The following IZUMO1 variants were observed in gnomAD, a reference collection of about 807,000 sequenced individuals.
IZUMO1 encodes the protein izumo sperm-egg fusion protein 1.
In IZUMO1, 44 loss-of-function variants were observed where a neutral mutation model predicts 40.7. The ratio of observed to expected loss-of-function variants is 1.08; its 90% CI spans 0.85 to 1.39. The LOEUF (loss-of-function observed/expected upper bound fraction) is 1.39. Ranked by LOEUF, IZUMO1 falls within the 40% of genes most tolerant of loss-of-function variation. IZUMO1 has a pLI of 0.00. For synonymous variants in IZUMO1, 149 were observed against 170.9 expected, an observed-to-expected ratio of 0.87 and a Z score of 1.00; for missense variants, 368 against 436.9, an observed-to-expected ratio of 0.84 and a Z score of 1.41.
chr19:48,742,167 T>C (rs769454388), intron 7 of IZUMO1, 42 bp downstream of exon 7: 1 of 1,523,338 alleles, frequency 6.6e-7, no homozygotes, highest in Non-Finnish European at 9.1e-7. Flanking sequence ...ACAAGTATTG[T>C]AGTCTAGGGA....
At position 48,741,636 on chromosome 19, in the gene IZUMO1, G is replaced by T. The variant is rs775967299; in HGVS notation, c.754+153C>A. On this transcript the variant is annotated intron_variant, in intron 8 of 9. Coordinates refer to ENST00000332955, the MANE Select transcript of IZUMO1 (RefSeq NM_182575.3). This position sits in a 1 kb window ranked among gnomAD's most constrained non-coding sequence, Gnocchi z 4.4. ...AAGGGAACCCCTGTCCTCGGGGCCAGAGGCCACGCCCCCGGCAGGAAGCCA... is the reference window on the plus strand; with the variant it reads ...AAGGGAACCCCTGTCCTCGGGGCCATAGGCCACGCCCCCGGCAGGAAGCCA... 3 of 1,257,622 alleles carry T rather than the reference G, an allele frequency of 2.4e-6. No homozygotes were observed. Among genetic ancestry groups the T allele is most frequent in the Admixed American group, 2.7e-5 (1 of 37,062 alleles). 77.9% of individuals were successfully genotyped at this position (1,257,622 alleles called of 1,614,324 possible).
chr19:48,744,586 G>A (rs775144140), intron 3 of IZUMO1, 47 bp from the exon 4 acceptor site: 1 of 1,376,896 alleles, frequency 7.3e-7, no homozygotes, highest in Non-Finnish European at 1.0e-6. Context: ...GGTGTTGGAA[G>A]TTTACTTCTG....
intron 5 of IZUMO1, 30 bp downstream of exon 5, chr19:48,744,145 T>C (rs2033807142): frequency 6.2e-7 from 1 of 1,607,608 alleles, no homozygotes; most frequent in Non-Finnish European, 8.5e-7. Flanking sequence ...GAGGGCAGGA[T>C]GAGGGTTAAC....
intron 4 of IZUMO1, 124 bp downstream of exon 4, chr19:48,744,329 G>T: frequency 1.7e-6 from 2 of 1,206,650 alleles, no homozygotes; most frequent in Non-Finnish European, 2.5e-6. Flanking sequence ...AAAGACTTGG[G>T]TCTGAAGGAG....
rs1186667572 is a variant in IZUMO1 at position 48,743,541 on chromosome 19, CA to C, written c.419-17del. ...AACATCACACCTGGAGGGGCAGGGT[CA>C]AGGCTTGTATTTGCCCACTAAGGGG... On this transcript the variant is annotated splice_polypyrimidine_tract_variant and intron_variant, in intron 5 of 9. Transcript: ENST00000332955. The C allele has an allele frequency of 6.3e-7, 1 of 1,597,576 alleles. No homozygotes were observed. The highest frequency in any genetic ancestry group is 1.3e-5 in the African/African-American group (1 of 74,596).
At chr19:48,744,765 A>C (rs8111208) in intron 3 of IZUMO1, among the ~76,000 whole-genome samples, 63,028 of 151,710 alleles carry the variant, frequency 0.42, 14,181 homozygotes, top group East Asian at 0.85. Flanking sequence ...TGGCTCACTG[A>C]AGCCTCAAAC....
At chr19:48,742,900 T>G (rs2033761452) in intron 6 of IZUMO1, 1 of 153,916 alleles carries the variant, frequency 6.5e-6, no homozygotes, top group Admixed American at 6.4e-5. Context: ...CTAATTTTTT[T>G]GTATTTTTAG....
chr19:48,741,530 C>A lies in IZUMO1; in HGVS notation c.755-52G>T. 1 of 1,552,764 alleles carries A rather than the reference C, an allele frequency of 6.4e-7. No individual in the cohort carries two copies. The highest frequency in any genetic ancestry group is 8.8e-7 in the Non-Finnish European group (1 of 1,136,228). On this transcript the variant is annotated intron_variant, in intron 8 of 9. Coordinates refer to ENST00000332955, the MANE Select transcript of IZUMO1 (RefSeq NM_182575.3). The surrounding 1 kb of genome is among the most constrained non-coding windows in gnomAD (Gnocchi z 4.4). ...CCTGGCAGGGCGTGGAGTTCCTGCC[C>A]TGGCAAAGACAAGCCCGTCCCAGTA...
chr19:48,744,327 G>T, intron 4 of IZUMO1, 126 bp downstream of exon 4: 1 of 1,206,792 alleles, frequency 8.3e-7, no homozygotes, highest in South Asian at 1.2e-5. Flanking sequence ...GAAAAGACTT[G>T]GGTCTGAAGG....
intron 1 of IZUMO1, chr19:48,746,214 C>A: frequency 2.8e-6 from 3 of 1,085,050 alleles, no homozygotes; most frequent in Non-Finnish European, 3.4e-6. Flanking sequence ...ACCCCATGCG[C>A]CCCTTCCCAA....
At chr19:48,743,218 G>T in intron 6 of IZUMO1, 1 of 558,278 alleles carries the variant, frequency 1.8e-6, no homozygotes, top group Non-Finnish European at 3.2e-6. Context: ...TGTAGAGATA[G>T]AGTCTCGCTA....
At chr19:48,745,135 T>C in intron 3 of IZUMO1, 79 bp downstream of exon 3, 1 of 1,204,168 alleles carries the variant, frequency 8.3e-7, no homozygotes, top group Non-Finnish European at 1.2e-6. Context: ...CACAGCCTAG[T>C]ATCTGACCAA....
At chr19:48,743,385 C>T in intron 6 of IZUMO1, 60 bp downstream of exon 6, 1 of 1,541,822 alleles carries the variant, frequency 6.5e-7, no homozygotes, top group Non-Finnish European at 8.9e-7. Context: ...CTCTAGACTG[C>T]CTCTCCTCTC....
chr19:48,746,835 T>G lies in IZUMO1; in HGVS notation c.-474A>C, dbSNP rs2033898393. The G allele has an allele frequency of 3.0e-6, 3 of 985,244 alleles. No individual in the cohort carries two copies. The African/African-American group carries it at 5.2e-5, about 17-fold the overall frequency. 61.0% of individuals were successfully genotyped at this position (985,244 alleles called of 1,614,324 possible). A position where few individuals can be genotyped will look rare whatever the true frequency, so the allele number is the denominator to read the frequency against. On this transcript the variant is annotated 5_prime_UTR_variant, in exon 1 of 10. Transcript: ENST00000332955. The stretch of plus-strand genomic sequence containing the variant: ...GGGGTCTGAGTCACGGACGATCCCC[T>G]CTCCACAAGGAACTCCTGAAACCAC...
Position 48,745,656 on chromosome 19 carries a change from C to G in IZUMO1, c.204G>C (p.Ser68=). The G allele has an allele frequency of 6.2e-7, 1 of 1,614,164 alleles. No individual in the cohort carries two copies. Among genetic ancestry groups the G allele is most frequent in the Non-Finnish European group, 8.5e-7 (1 of 1,180,038 alleles). The change falls in exon 2 of 10, where the codon TCG becomes TCC. Residue 68 remains serine (S), a synonymous_variant. Transcript: ENST00000332955. The part of the protein sequence containing the change: ...ENAVKDFQEL[S]LNEDAYMGVV... ...CCCCCATATAGGCATCCTCATTAAG[C>G]GACAGTTCCTGGAAATCCTTCACGG...
At chr19:48,742,166 G>A in intron 7 of IZUMO1, 43 bp downstream of exon 7, 4 of 1,522,410 alleles carry the variant, frequency 2.6e-6, no homozygotes, top group Middle Eastern at 3.4e-4. Flanking sequence ...CACAAGTATT[G>A]TAGTCTAGGG....
At chr19:48,745,181 G>T (rs375183668) in intron 3 of IZUMO1, 33 bp downstream of exon 3, 3 of 1,572,386 alleles carry the variant, frequency 1.9e-6, no homozygotes, top group African/African-American at 2.7e-5. Context: ...TTCTCTGAGA[G>T]ATTCGGGACT....
intron 5 of IZUMO1, chr19:48,743,888 G>A (rs1599759290): frequency 2.1e-6 from 1 of 481,014 alleles, no homozygotes; most frequent in Non-Finnish European, 3.8e-6. Flanking sequence ...CTACTCAGGG[G>A]GCTGAGGCAG....
At chr19:48,745,603 C>A in intron 2 of IZUMO1, 22 bp downstream of exon 2, 1 of 1,613,264 alleles carries the variant, frequency 6.2e-7, no homozygotes, top group Non-Finnish European at 8.5e-7. Flanking sequence ...ACCCAGGGGT[C>A]CGTGGTCCCC....
Sources: allele counts gnomAD v4.1 joint callset (sites outside exome capture counted in the v4.1 genomes callset), GRCh38; gene constraint gnomAD v4.1.1; non-coding constraint Gnocchi (gnomAD v3.1); transcripts MANE v1.5; gene names NCBI Gene and HGNC (gene_info 2026-07-23, HGNC 2026-07-21).